RORA: variants seen among roughly 807,000 people sequenced by gnomAD.
RORA encodes RAR related orphan receptor A.
RORA carries 7 observed loss-of-function variants against 69.5 expected under a neutral mutation model. That is an observed-to-expected ratio of 0.10 (90% confidence interval 0.06 to 0.19). The LOEUF is 0.19. Among genes scored for constraint, RORA ranks in the 10% least tolerant of loss-of-function variants. The pLI is 1.00. For synonymous variants in RORA, 261 were observed against 240.8 expected, an observed-to-expected ratio of 1.08 and a Z score of -0.78; for missense variants, 457 against 663.0, an observed-to-expected ratio of 0.69 and a Z score of 3.41.
chr15:61,017,377 T>A (rs1362271870), intron 1 of RORA, among the ~76,000 whole-genome samples: 1 of 152,260 alleles, frequency 6.6e-6, no homozygotes, highest in Non-Finnish European at 1.5e-5. Flanking sequence ...TGCAATGTTA[T>A]CTTTAATGCA....
At chr15:61,139,932 T>G (rs1187665797) in intron 1 of RORA, among the ~76,000 whole-genome samples, 3 of 152,194 alleles carry the variant, frequency 2.0e-5, no homozygotes, top group Non-Finnish European at 4.4e-5. Flanking sequence ...AAAGGAATTG[T>G]TACCTGATTG....
chr15:60,725,548 G>A (rs1419893941), intron 1 of RORA, among the ~76,000 whole-genome samples: 1 of 152,166 alleles, frequency 6.6e-6, no homozygotes, highest in East Asian at 1.9e-4. Context: ...ACCCCCTCAA[G>A]CACGTATCCT....
chr15:60,965,760 C>T (rs1434806207), intron 1 of RORA, among the ~76,000 whole-genome samples: 1 of 152,086 alleles, frequency 6.6e-6, no homozygotes, highest in Admixed American at 6.5e-5. Context: ...CTTTAATTTT[C>T]TTTTTTCCCT....
chr15:60,539,987 T>G (rs1191859796), intron 2 of RORA, among the ~76,000 whole-genome samples: 3 of 152,120 alleles, frequency 2.0e-5, no homozygotes, highest in African/African-American at 7.2e-5. Context: ...TCTCTCGGGG[T>G]GGGTTAAATG....
intron 2 of RORA, among the ~76,000 whole-genome samples, chr15:60,620,853 C>T (rs180884488): frequency 1.3e-5 from 2 of 152,328 alleles, no homozygotes; most frequent in Admixed American, 6.5e-5. Context: ...CCCGGAGCTC[C>T]GCCTCCCACT....
At chr15:61,009,519 T>C (rs1356228893) in intron 1 of RORA, among the ~76,000 whole-genome samples, 1 of 152,256 alleles carries the variant, frequency 6.6e-6, no homozygotes, top group African/African-American at 2.4e-5. Context: ...GGGCATAGAC[T>C]GTCTATTTAT....
intron 1 of RORA, among the ~76,000 whole-genome samples, chr15:60,791,448 C>A (rs1320332151): frequency 6.6e-6 from 1 of 152,160 alleles, no homozygotes; most frequent in African/African-American, 2.4e-5. Flanking sequence ...GGAGTCTGTC[C>A]CCTGAAACAT....
chr15:60,710,898 C>T (rs1003228653), intron 1 of RORA, among the ~76,000 whole-genome samples: 4 of 151,908 alleles, frequency 2.6e-5, no homozygotes, highest in Admixed American at 2.6e-4. Context: ...ACAATCAGGA[C>T]CTGTAGGTCT....
At chr15:61,047,693 A>G (rs375099617) in intron 1 of RORA, among the ~76,000 whole-genome samples, 2 of 152,166 alleles carry the variant, frequency 1.3e-5, no homozygotes, top group South Asian at 2.1e-4. Context: ...ACTGTTTAAC[A>G]TTTTTCCCCT....
chr15:60,630,614 T>G (rs1296485452), intron 2 of RORA: 1 of 152,294 alleles, frequency 6.6e-6, no homozygotes, highest in Non-Finnish European at 1.5e-5. Flanking sequence ...GCTGCACTTG[T>G]GTTTCTGAAG....
At position 60,796,891 on chromosome 15, in the gene RORA, T is replaced by C. The variant is rs530579858; in HGVS notation, c.167-118205A>G. Reference sequence around the variant, plus strand: ...TAAAGGACCCATACAGGCTACATCCTGGATGACCCTTGAAAATATTATGCT... The same window carrying C: ...TAAAGGACCCATACAGGCTACATCCCGGATGACCCTTGAAAATATTATGCT... On this transcript the variant is annotated intron_variant, in intron 1 of 10. Transcript: ENST00000335670. Among the ~76,000 whole-genome samples the C allele has an allele frequency of 4.6e-5, 7 of 151,996 alleles. No homozygotes were observed. In the East Asian group the frequency reaches 1.3e-3, roughly 29 times the overall value.
intron 3 of RORA, among the ~76,000 whole-genome samples, chr15:60,525,748 C>T (rs1173480988): frequency 2.0e-5 from 3 of 152,070 alleles, no homozygotes; most frequent in African/African-American, 4.8e-5. Flanking sequence ...TTTCATTTTA[C>T]GTCTGAGACT....
At chr15:61,033,201 A>G (rs1450503617) in intron 1 of RORA, among the ~76,000 whole-genome samples, 1 of 152,166 alleles carries the variant, frequency 6.6e-6, no homozygotes, top group Non-Finnish European at 1.5e-5. Context: ...ATGGCTACAA[A>G]ACAAACAGGA....
intron 1 of RORA, among the ~76,000 whole-genome samples, chr15:61,161,134 T>C (rs1011339785): frequency 6.6e-6 from 1 of 152,154 alleles, no homozygotes; most frequent in African/African-American, 2.4e-5. Flanking sequence ...TTGCTCTGAC[T>C]GAAGCAATGG....
At chr15:60,634,033 G>T (rs754172985) in intron 2 of RORA, among the ~76,000 whole-genome samples, 4 of 152,092 alleles carry the variant, frequency 2.6e-5, no homozygotes, top group South Asian at 2.1e-4. Context: ...TTGAAGCAAA[G>T]AATTAAATAT....
intron 1 of RORA, among the ~76,000 whole-genome samples, chr15:61,212,649 C>T (rs1467973055): frequency 6.6e-6 from 1 of 152,178 alleles, no homozygotes; most frequent in African/African-American, 2.4e-5. Flanking sequence ...ACCTCAGCCT[C>T]CCAAAGTGCT....
At chr15:61,188,301 A>C (rs968393680) in intron 1 of RORA, among the ~76,000 whole-genome samples, 17 of 152,314 alleles carry the variant, frequency 1.1e-4, no homozygotes, top group African/African-American at 4.1e-4. Flanking sequence ...AAGCAGACCC[A>C]GGCAATGTGT....
chr15:60,871,893 GT>G (rs964691025), intron 1 of RORA, among the ~76,000 whole-genome samples: 1 of 152,230 alleles, frequency 6.6e-6, no homozygotes, highest in African/African-American at 2.4e-5. Context: ...TAACTTCTGA[GT>G]TTTGGCAAAT....
chr15:60,759,199 C>A (rs2071846975), intron 1 of RORA, among the ~76,000 whole-genome samples: 1 of 152,322 alleles, frequency 6.6e-6, no homozygotes. Context: ...ATGCACTCTG[C>A]TAAGAAATAT....
Sources: gnomAD v4.1 joint callset for allele counts (sites outside exome capture counted in the v4.1 genomes callset) on GRCh38, gnomAD v4.1.1 for gene constraint, MANE v1.5 for transcripts, NCBI Gene and HGNC (gene_info 2026-07-23, HGNC 2026-07-21) for gene names.